Variants in KCNH7 observed in about 807,000 individuals in gnomAD.
The protein encoded by KCNH7 is potassium voltage-gated channel subfamily H member 7.
In KCNH7, 49 loss-of-function variants were observed where a neutral mutation model predicts 120.8. That is an observed-to-expected ratio of 0.41 (90% CI 0.32 to 0.51). The LOEUF (loss-of-function observed/expected upper bound fraction) is 0.51, where lower values mean the gene tolerates loss of function less well. Among genes scored for constraint, KCNH7 ranks in the 20% least tolerant of loss-of-function variants. KCNH7 has a pLI of 0.38. For synonymous variants in KCNH7, 547 were observed against 516.1 expected, an observed-to-expected ratio of 1.06 and a Z score of -0.81; for missense variants, 1,097 against 1,446.6, an observed-to-expected ratio of 0.76 and a Z score of 3.92.
chr2:162,407,289 T>C (rs1448331880), intron 9 of KCNH7, among the ~76,000 whole-genome samples: 1 of 152,070 alleles, frequency 6.6e-6, no homozygotes, highest in Admixed American at 6.6e-5. Context: ...GACAATGTTG[T>C]AAATCCCGAA....
intron 2 of KCNH7, among the ~76,000 whole-genome samples, chr2:162,750,918 C>T (rs1295983469): frequency 1.3e-5 from 2 of 152,070 alleles, no homozygotes; most frequent in African/African-American, 2.4e-5. Flanking sequence ...ATAATAAATA[C>T]ATATTTTCAA....
intron 2 of KCNH7, among the ~76,000 whole-genome samples, chr2:162,686,609 T>C (rs1574265935): frequency 6.6e-6 from 1 of 151,916 alleles, no homozygotes; most frequent in Admixed American, 6.6e-5. Context: ...CTGGCAGGGG[T>C]TCATCTAAAT....
chr2:162,676,279 GTTTTAAAGA>G (rs888390933), intron 2 of KCNH7, among the ~76,000 whole-genome samples: 1 of 151,442 alleles, frequency 6.6e-6, no homozygotes, highest in Non-Finnish European at 1.5e-5. Flanking sequence ...GTTTGTTAAG[GTTTTAAAGA>G]TAACAATGAA....
At chr2:162,781,641 C>T (rs149424231) in intron 2 of KCNH7, among the ~76,000 whole-genome samples, 42 of 152,094 alleles carry the variant, frequency 2.8e-4, no homozygotes, top group Non-Finnish European at 5.0e-4. Context: ...ATATATTATA[C>T]TTTTTTGAGC....
At chr2:162,675,538 T>C (rs559014020) in intron 2 of KCNH7, among the ~76,000 whole-genome samples, 1 of 151,636 alleles carries the variant, frequency 6.6e-6, no homozygotes, top group African/African-American at 2.4e-5. Flanking sequence ...CACTTAGGAA[T>C]AAAAATGAAT....
chr2:162,468,322 A>G (rs1301581035), intron 6 of KCNH7, among the ~76,000 whole-genome samples: 1 of 149,160 alleles, frequency 6.7e-6, no homozygotes, highest in East Asian at 1.9e-4. Context: ...AAAAATCTCA[A>G]TACAATCTGA....
chr2:162,728,732 T>G (rs775893520), intron 2 of KCNH7, among the ~76,000 whole-genome samples: 3 of 152,114 alleles, frequency 2.0e-5, no homozygotes, highest in Non-Finnish European at 4.4e-5. Context: ...GAGCCAAGAT[T>G]GCGCCATTGT....
Position 162,435,564 on chromosome 2 carries a change from G to C in KCNH7, c.1588C>G (p.Arg530Gly). 1 of 1,606,898 alleles carries C rather than the reference G, an allele frequency of 6.2e-7. No homozygotes were observed. The highest frequency in any genetic ancestry group is 8.5e-7 in the Non-Finnish European group (1 of 1,175,874). ...GCCACGCGCACAAGACGGAGGAGTC[G>C]GGCAGTCTTCAAAAGACCAATTAAT... The part of the protein sequence containing the change: ...TTLIGLLKTA[R>G]LLRLVRVARK... The change falls in exon 8 of 16, where the codon CGA (arginine) becomes GGA (glycine). Residue 530 changes from arginine (R) to glycine (G), a missense_variant. Around this residue, in one of 8 missense-constraint regions of KCNH7, gnomAD observed 109 missense variants for 196.8 expected, o/e 0.55. Transcript: ENST00000332142.
chr2:162,676,920 G>A (rs369402519), intron 2 of KCNH7, among the ~76,000 whole-genome samples: 1,734 of 151,208 alleles, frequency 0.011, 32 homozygotes, highest in African/African-American at 0.039. Context: ...TATCATTTAC[G>A]AAAAAAATTT....
At chr2:162,807,978 A>C (rs890845073) in intron 2 of KCNH7, among the ~76,000 whole-genome samples, 2 of 152,130 alleles carry the variant, frequency 1.3e-5, no homozygotes, top group African/African-American at 4.8e-5. Context: ...CACCGCTCCC[A>C]GCCATCTTTT....
intron 1 of KCNH7, 57 bp downstream of exon 1, chr2:162,838,386 C>A: frequency 7.0e-7 from 1 of 1,435,138 alleles, no homozygotes; most frequent in East Asian, 2.3e-5. Context: ...GCGGTGGACG[C>A]CAAGTGCACT....
At chr2:162,408,124 T>C (rs980792132) in intron 9 of KCNH7, among the ~76,000 whole-genome samples, 25 of 152,144 alleles carry the variant, frequency 1.6e-4, no homozygotes, top group South Asian at 4.1e-4. Context: ...CCATTTTGAC[T>C]CGCCATTGCT....
intron 2 of KCNH7, among the ~76,000 whole-genome samples, chr2:162,545,651 T>C (rs578198141): frequency 6.6e-6 from 1 of 152,318 alleles, no homozygotes; most frequent in East Asian, 1.9e-4. Context: ...CATAAGCTTG[T>C]TCTAAGTTAA....
chr2:162,424,032 A>G (rs1687784518), intron 8 of KCNH7, among the ~76,000 whole-genome samples: 1 of 152,178 alleles, frequency 6.6e-6, no homozygotes. Context: ...CTATTATTAA[A>G]TTTGAGATTA....
intron 6 of KCNH7, among the ~76,000 whole-genome samples, chr2:162,467,913 G>T (rs1689361140): frequency 6.6e-6 from 1 of 152,134 alleles, no homozygotes; most frequent in Non-Finnish European, 1.5e-5. Context: ...ATCCTCAGGT[G>T]GTGGAAGGGG....
At chr2:162,816,023 C>A (rs767270092) in intron 2 of KCNH7, among the ~76,000 whole-genome samples, 5 of 152,186 alleles carry the variant, frequency 3.3e-5, no homozygotes, top group Non-Finnish European at 7.4e-5. Context: ...CTTTGGGAGG[C>A]CAAGGCGGGC....
intron 2 of KCNH7, among the ~76,000 whole-genome samples, chr2:162,572,182 G>A (rs36147832): frequency 0.64 from 96,457 of 151,556 alleles, 32,279 homozygotes; most frequent in African/African-American, 0.84. Flanking sequence ...TCTATAATGA[G>A]CTCCAACAAA....
At chr2:162,628,329 C>T (rs1040577579) in intron 2 of KCNH7, among the ~76,000 whole-genome samples, 4 of 152,130 alleles carry the variant, frequency 2.6e-5, no homozygotes, top group African/African-American at 4.8e-5. Flanking sequence ...AAGCAAAGGT[C>T]TTCAGGCCAA....
intron 2 of KCNH7, among the ~76,000 whole-genome samples, chr2:162,558,924 A>G (rs545554116): frequency 7.4e-4 from 112 of 151,540 alleles, no homozygotes; most frequent in Admixed American, 4.2e-3. Flanking sequence ...GCGTTGTGGC[A>G]GGCGCCTGTA....
Sources: gnomAD v4.1 joint callset for allele counts (sites outside exome capture counted in the v4.1 genomes callset) on GRCh38, gnomAD v4.1.1 for gene constraint, gnomAD v4.1.1 regional missense constraint, MANE v1.5 for transcripts, NCBI Gene and HGNC (gene_info 2026-07-23, HGNC 2026-07-21) for gene names.